MTX2: variants seen among roughly 807,000 people sequenced by gnomAD.
MTX2 encodes the protein metaxin-2.
A neutral mutation model predicts 42.3 loss-of-function variants in MTX2; 35 were observed. The ratio of observed to expected loss-of-function variants is 0.83; its 90% confidence interval spans 0.63 to 1.10. The LOEUF (loss-of-function observed/expected upper bound fraction) is 1.10. Ranked by LOEUF, MTX2 falls within the 50% of genes least tolerant of loss-of-function variation. The pLI is 0.00. For synonymous variants in MTX2, 119 were observed against 100.9 expected (o/e 1.18, Z -1.08); for missense variants, 307 against 304.1 (o/e 1.01, Z -0.07).
intron 3 of MTX2, among the ~76,000 whole-genome samples, chr2:176,311,726 C>G (rs1684313046): frequency 6.6e-6 from 1 of 152,236 alleles, no homozygotes; most frequent in African/African-American, 2.4e-5. Context: ...GGGAGAGAAT[C>G]ACCTTGTCTG....
intron 1 of MTX2, among the ~76,000 whole-genome samples, chr2:176,272,645 A>G (rs900283126): frequency 1.3e-5 from 2 of 152,280 alleles, no homozygotes; most frequent in South Asian, 4.1e-4. Flanking sequence ...AGCTATGGTT[A>G]TATTAAGTAA....
rs963989962 is a variant in MTX2, at chr2:176,330,607, C to T, written c.567C>T (p.Cys189=). The T allele has an allele frequency of 1.3e-6, 2 of 1,592,714 alleles. No homozygotes were observed. ...AGGTCTTAGAGGATGTAGACCAGTGCTGTCAAGCTCTCTCTCAAAGACTGG... is the reference window on the plus strand; with the variant it reads ...AGGTCTTAGAGGATGTAGACCAGTGTTGTCAAGCTCTCTCTCAAAGACTGG... ...LDQVLEDVDQ[C]CQALSQRLGT... The change falls in exon 9 of 10, where the codon TGC becomes TGT. Residue 189 remains cysteine (C), a synonymous_variant. Transcript: ENST00000249442.
chr2:176,316,046 C>T (rs1303328932), intron 3 of MTX2, among the ~76,000 whole-genome samples: 1 of 152,160 alleles, frequency 6.6e-6, no homozygotes, highest in Non-Finnish European at 1.5e-5. Flanking sequence ...ATGTTGCCTG[C>T]TTGTCCCAGT....
intron 3 of MTX2, among the ~76,000 whole-genome samples, chr2:176,302,428 C>T (rs1684047213): frequency 1.3e-5 from 2 of 151,870 alleles, no homozygotes; most frequent in South Asian, 4.2e-4. Flanking sequence ...ATTTAAAAGT[C>T]AGCATTTTGT....
intron 1 of MTX2, among the ~76,000 whole-genome samples, chr2:176,274,306 TAAAA>T (rs994575801): frequency 6.6e-6 from 1 of 152,162 alleles, no homozygotes; most frequent in African/African-American, 2.4e-5. Context: ...TTCCCTGAAT[TAAAA>T]AAATCGACAT....
At position 176,330,660 on chromosome 2, in the gene MTX2, A is replaced by G; in HGVS notation, c.620A>G (p.Gln207Arg). ...LGTQPYFFNK[Q>R]PTELDALVFG... ...ACACAACCGTATTTCTTCAATAAGC[A>G]GTAAGAAATTTTACTTTTTTAAAGT... Residue 207 changes from glutamine to arginine, a missense_variant and splice_region_variant, in exon 9 of 10, where the codon CAG (glutamine) becomes CGG (arginine). Transcript: ENST00000249442. 1 of 1,584,278 alleles carries G rather than the reference A, an allele frequency of 6.3e-7. No individual in the cohort carries two copies. Among genetic ancestry groups the G allele is most frequent in the Non-Finnish European group, 8.6e-7 (1 of 1,161,360 alleles).
chr2:176,311,037 G>C (rs1684291427), intron 3 of MTX2, among the ~76,000 whole-genome samples: 1 of 152,144 alleles, frequency 6.6e-6, no homozygotes, highest in African/African-American at 2.4e-5. Flanking sequence ...TTGTGGTTTT[G>C]TCTACCTTTG....
In MTX2 at chr2:176,269,500, G is replaced by C. The variant is rs1692740634; in HGVS notation, c.-130G>C. On this transcript the variant is annotated 5_prime_UTR_variant, in exon 1 of 10. Coordinates refer to ENST00000249442, the MANE Select transcript of MTX2 (RefSeq NM_006554.5). ...CCTCACTGCAGCCGCCGCTGCTGTT[G>C]GAGTGGGCTTTGCGAGTCTGAACGT... 4 of 1,024,466 alleles carry C rather than the reference G, an allele frequency of 3.9e-6. No individual in the cohort carries two copies. In the South Asian group the frequency reaches 5.1e-5, roughly 13 times the overall value. 63.5% of individuals were successfully genotyped at this position (1,024,466 alleles called of 1,614,324 possible).
In MTX2 at chr2:176,337,478, C is replaced by T. The variant is rs369027396; in HGVS notation, c.621-15C>T. On this transcript the variant is annotated splice_polypyrimidine_tract_variant and intron_variant, in intron 9 of 9. Coordinates refer to ENST00000249442, the MANE Select transcript of MTX2 (RefSeq NM_006554.5). ...AAATGCTACTTACTCACATTACTCT[C>T]ATTTCTACTTTTAGGCCTACTGAAC... 4.4e-6 allele frequency: 7 copies of T among 1,574,680 alleles called. No homozygotes were observed.
intron 3 of MTX2, among the ~76,000 whole-genome samples, chr2:176,310,337 C>G (rs563222203): frequency 6.6e-6 from 1 of 152,192 alleles, no homozygotes; most frequent in African/African-American, 2.4e-5. Context: ...CCCTTAACAT[C>G]TTTTCCTTCA....
chr2:176,316,488 A>G (rs1242037333), intron 3 of MTX2, among the ~76,000 whole-genome samples: 3 of 151,944 alleles, frequency 2.0e-5, no homozygotes, highest in South Asian at 2.1e-4. Flanking sequence ...TACAGCCTCA[A>G]CCTCCTGGGC....
At chr2:176,320,062 A>T (rs1684541197) in intron 3 of MTX2, among the ~76,000 whole-genome samples, 1 of 152,136 alleles carries the variant, frequency 6.6e-6, no homozygotes, top group South Asian at 2.1e-4. Context: ...ACTAACTAGA[A>T]TTATGCTATC....
intron 3 of MTX2, among the ~76,000 whole-genome samples, chr2:176,306,499 T>A (rs1445947554): frequency 6.6e-6 from 1 of 152,220 alleles, no homozygotes; most frequent in Non-Finnish European, 1.5e-5. Context: ...TCTTCCACAA[T>A]GGTTGAGCTA....
chr2:176,301,443 G>A (rs988114333), intron 3 of MTX2, among the ~76,000 whole-genome samples: 5 of 152,100 alleles, frequency 3.3e-5, no homozygotes, highest in African/African-American at 1.2e-4. Context: ...TATAACAACT[G>A]TATGAGGTAA....
chr2:176,298,797 G>A (rs528067035), intron 3 of MTX2, among the ~76,000 whole-genome samples: 1 of 152,200 alleles, frequency 6.6e-6, no homozygotes, highest in African/African-American at 2.4e-5. Context: ...ACAGTTTGAA[G>A]GCACTGTGAA....
At chr2:176,274,443 G>A (rs1166315616) in intron 1 of MTX2, among the ~76,000 whole-genome samples, 1 of 152,158 alleles carries the variant, frequency 6.6e-6, no homozygotes. Context: ...TAATGAAGAA[G>A]CCAAAATTTA....
At chr2:176,324,510 A>AT (rs1017662860) in intron 4 of MTX2, among the ~76,000 whole-genome samples, 2 of 151,652 alleles carry the variant, frequency 1.3e-5, no homozygotes, top group Non-Finnish European at 3.0e-5. Flanking sequence ...TTATACGTAG[A>AT]TTTTAGGAAC....
In MTX2 at chr2:176,271,748, T is replaced by G. The variant is rs149203926; in HGVS notation, c.40+2079T>G. On this transcript the variant is annotated intron_variant, in intron 1 of 9. Transcript: ENST00000249442. ...ACATTCTCTGGCCTGAAAATTCTACTTATGGGGGTTTATCTGATAGAAATG... is the reference window on the plus strand; with the variant it reads ...ACATTCTCTGGCCTGAAAATTCTACGTATGGGGGTTTATCTGATAGAAATG... 5.3e-5 allele frequency among the ~76,000 whole-genome samples: 8 copies of G among 152,312 alleles called. 1 individual carries two copies. The East Asian group carries it at 1.5e-3, about 29-fold the overall frequency.
intron 3 of MTX2, among the ~76,000 whole-genome samples, chr2:176,315,031 A>G (rs572143957): frequency 3.9e-5 from 6 of 152,290 alleles, no homozygotes; most frequent in African/African-American, 1.4e-4. Context: ...CTCTTCTGTC[A>G]GTTGTGTGCA....
Sources: gnomAD v4.1 joint callset for allele counts (sites outside exome capture counted in the v4.1 genomes callset) on GRCh38, gnomAD v4.1.1 for gene constraint, MANE v1.5 for transcripts, NCBI Gene and HGNC (gene_info 2026-07-23, HGNC 2026-07-21) for gene names.